The following ADAMTS20 variants were observed in gnomAD, a reference collection of about 807,000 sequenced individuals.
ADAMTS20 encodes the protein ADAM metallopeptidase with thrombospondin type 1 motif 20, also known as A disintegrin and metalloproteinase with thrombospondin motifs 20.
ADAMTS20 carries 225 observed loss-of-function variants against 260.1 expected under a neutral mutation model. That is an observed-to-expected ratio of 0.87 (90% CI 0.78 to 0.97). The LOEUF is 0.97. ADAMTS20 is among the 50% of genes least tolerant of loss of function. The pLI is 0.00. For missense variants in ADAMTS20, 2,400 were observed against 2,337.7 expected (o/e 1.03, Z -0.55); for synonymous variants, 802 against 769.5 (o/e 1.04, Z -0.70).
chr12:43,470,028 A>C (rs1384542825), intron 7 of ADAMTS20, among the ~76,000 whole-genome samples: 1 of 152,210 alleles, frequency 6.6e-6, no homozygotes, highest in Non-Finnish European at 1.5e-5. Context: ...AAATCAAGCA[A>C]GGAAAAAAAT....
intron 5 of ADAMTS20, 80 bp from the exon 6 acceptor site, chr12:43,492,709 A>G (rs1942622120): frequency 6.7e-7 from 1 of 1,491,348 alleles, no homozygotes; most frequent in African/African-American, 1.4e-5. Flanking sequence ...CATCTGCACA[A>G]TTTATCAAAT....
At chr12:43,528,817 C>A (rs943295434) in intron 3 of ADAMTS20, among the ~76,000 whole-genome samples, 2 of 151,804 alleles carry the variant, frequency 1.3e-5, no homozygotes, top group African/African-American at 4.8e-5. Flanking sequence ...CTTGAATAAT[C>A]CAAAAGCTTC....
intron 4 of ADAMTS20, among the ~76,000 whole-genome samples, chr12:43,501,475 G>GCACACACACACACACACA (rs1353322850): frequency 7.4e-4 from 44 of 59,110 alleles, no homozygotes; most frequent in Middle Eastern, 9.4e-3. Context: ...GCGCGCGCGC[G>GCACACACACACACACACA]CGCGCGCACA....
intron 23 of ADAMTS20, 105 bp downstream of exon 23, chr12:43,430,247 C>T (rs1941414767): frequency 1.5e-6 from 2 of 1,337,738 alleles, no homozygotes; most frequent in African/African-American, 2.9e-5. Flanking sequence ...GTGTTTAAGG[C>T]ATACAAGTTT....
chr12:43,541,448 A>C (rs1261358727), intron 2 of ADAMTS20, among the ~76,000 whole-genome samples: 2 of 152,218 alleles, frequency 1.3e-5, no homozygotes, highest in African/African-American at 4.8e-5. Context: ...AATTGAATGT[A>C]TTTTGAAGCA....
intron 4 of ADAMTS20, among the ~76,000 whole-genome samples, chr12:43,500,188 C>G (rs1403704010): frequency 6.6e-6 from 1 of 152,098 alleles, no homozygotes; most frequent in Admixed American, 6.5e-5. Flanking sequence ...GCCACCACGC[C>G]TGGCTAATTT....
rs767460567 is a variant in ADAMTS20, at chr12:43,376,284, A to G, written c.5172T>C (p.Ile1724=). Reference sequence around the variant, plus strand: ...TAAGGTAATAGTCACCATCCTTTCTAATGTGGTTTTTCACTTGAATTTCTT... The same window carrying G: ...TAAGGTAATAGTCACCATCCTTTCTGATGTGGTTTTTCACTTGAATTTCTT... ...TCKEIQVKNH[I]RKDGDYYLNI... is the part of the protein sequence containing the mutation. Residue 1724 remains isoleucine, a synonymous_variant, in exon 34 of 39, where the codon ATT becomes ATC. Coordinates refer to ENST00000389420, the MANE Select transcript of ADAMTS20 (RefSeq NM_025003.5). 9.0e-5 allele frequency: 140 copies of G among 1,555,702 alleles called. No homozygotes were observed. The highest frequency in any genetic ancestry group is 1.2e-4 in the Non-Finnish European group (136 of 1,148,346).
chr12:43,362,981 C>T lies in ADAMTS20; in HGVS notation c.5538+6309G>A, dbSNP rs112545880. 1.5e-3 allele frequency among the ~76,000 whole-genome samples: 233 copies of T among 152,130 alleles called. 4 individuals are homozygous for T. The highest frequency in any genetic ancestry group is 5.1e-3 in the African/African-American group (213 of 41,494). On this transcript the variant is annotated intron_variant, in intron 37 of 38. Transcript: ENST00000389420. ...TGCTTGATTTTAGCCCAGTATGACC[C>T]ATTTCGGATTTCTGACTTCCATAAC...
At chr12:43,412,594 C>G (rs944661784) in intron 28 of ADAMTS20, among the ~76,000 whole-genome samples, 1 of 151,986 alleles carries the variant, frequency 6.6e-6, no homozygotes, top group Non-Finnish European at 1.5e-5. Flanking sequence ...CAATTTTAGA[C>G]GAGAAATGCT....
intron 3 of ADAMTS20, among the ~76,000 whole-genome samples, chr12:43,514,096 A>G (rs1202097418): frequency 4.7e-5 from 7 of 150,390 alleles, no homozygotes; most frequent in Non-Finnish European, 8.9e-5. Context: ...TAAAAAAAAA[A>G]AAAAAAAAAA....
Position 43,551,823 on chromosome 12 carries a change from G to A in ADAMTS20, c.91+8C>T, listed in dbSNP as rs1394888083. The stretch of plus-strand genomic sequence containing the variant: ...TTAGCCGCTGAAGGCGTCTCGCGGT[G>A]ACTTTACCTTGCCTGGGGTGGAAGT... On this transcript the variant is annotated splice_region_variant and intron_variant, in intron 1 of 38. Coordinates refer to ENST00000389420, the MANE Select transcript of ADAMTS20 (RefSeq NM_025003.5). This position sits in a 1 kb window ranked among gnomAD's most constrained non-coding sequence, Gnocchi z 4.6. 1 of 1,613,062 alleles carries A rather than the reference G, an allele frequency of 6.2e-7. No homozygotes were observed. Among genetic ancestry groups the A allele is most frequent in the Non-Finnish European group, 8.5e-7 (1 of 1,179,574 alleles).
chr12:43,489,070 A>C (rs1467436799), intron 7 of ADAMTS20, among the ~76,000 whole-genome samples: 1 of 151,892 alleles, frequency 6.6e-6, no homozygotes, highest in Non-Finnish European at 1.5e-5. Flanking sequence ...ATTTATTTGA[A>C]TTTTTTAAAG....
At chr12:43,468,977 T>A (rs771500952) in intron 7 of ADAMTS20, among the ~76,000 whole-genome samples, 1 of 152,080 alleles carries the variant, frequency 6.6e-6, no homozygotes, top group Non-Finnish European at 1.5e-5. Flanking sequence ...TTTTAAAAAA[T>A]TTTTAAAAAG....
intron 4 of ADAMTS20, among the ~76,000 whole-genome samples, chr12:43,495,460 T>A (rs1942664181): frequency 1.3e-5 from 2 of 152,310 alleles, no homozygotes; most frequent in South Asian, 4.1e-4. Flanking sequence ...TCAATCACAG[T>A]GGCTATTGTT....
At chr12:43,394,191 G>A (rs1163788035) in intron 29 of ADAMTS20, among the ~76,000 whole-genome samples, 1 of 152,034 alleles carries the variant, frequency 6.6e-6, no homozygotes, top group Admixed American at 6.6e-5. Context: ...CTCTGATTTT[G>A]TTATACGAAA....
chr12:43,460,988 A>ATATATATTTTT, intron 11 of ADAMTS20, among the ~76,000 whole-genome samples: 2 of 26,394 alleles, frequency 7.6e-5, no homozygotes, highest in African/African-American at 2.6e-4. Flanking sequence ...ATATATATAT[A>ATATATATTTTT]TTTTTTTTTT....
chr12:43,550,789 T>G (rs1943500628), intron 2 of ADAMTS20, 120 bp downstream of exon 2: 2 of 1,390,502 alleles, frequency 1.4e-6, no homozygotes, highest in African/African-American at 2.9e-5. Context: ...TAATCCTTCT[T>G]GTAGCCCAAC....
intron 28 of ADAMTS20, among the ~76,000 whole-genome samples, chr12:43,409,999 G>C (rs1416800647): frequency 6.6e-6 from 1 of 152,044 alleles, no homozygotes; most frequent in African/African-American, 2.4e-5. Flanking sequence ...AAATTTTGAG[G>C]GAAATTATCT....
intron 31 of ADAMTS20, among the ~76,000 whole-genome samples, chr12:43,379,312 T>C (rs548367101): frequency 6.6e-6 from 1 of 152,012 alleles, no homozygotes; most frequent in Non-Finnish European, 1.5e-5. Flanking sequence ...TAAAAAGGCT[T>C]AAAAGGAAAA....
Sources: gnomAD v4.1 joint callset for allele counts (sites outside exome capture counted in the v4.1 genomes callset) on GRCh38, gnomAD v4.1.1 for gene constraint, Gnocchi (gnomAD v3.1) non-coding constraint, MANE v1.5 for transcripts, NCBI Gene and HGNC (gene_info 2026-07-23, HGNC 2026-07-21) for gene names.